Variants in LRRIQ1 observed in about 807,000 individuals in gnomAD.
LRRIQ1 encodes the protein leucine-rich repeat- and IQ domain-containing protein 1.
LRRIQ1 carries 210 observed loss-of-function variants against 211.9 expected under a neutral mutation model. That is an observed-to-expected ratio of 0.99 (90% CI 0.89 to 1.11). The LOEUF (loss-of-function observed/expected upper bound fraction) is 1.11, where lower values mean the gene tolerates loss of function less well. Among genes scored for constraint, LRRIQ1 ranks in the 50% most tolerant of loss-of-function variants. LRRIQ1 has a pLI of 0.00. For missense variants in LRRIQ1, 2,136 were observed against 1,939.5 expected (o/e 1.10, Z -1.90); for synonymous variants, 699 against 650.1 (o/e 1.08, Z -1.14).
At position 85,072,910 on chromosome 12, in the gene LRRIQ1, A is replaced by G; in HGVS notation, c.2699A>G (p.Tyr900Cys). 6.2e-7 allele frequency: 1 copy of G among 1,606,944 alleles called. No individual in the cohort carries two copies. Among genetic ancestry groups the G allele is most frequent in the Non-Finnish European group, 8.5e-7 (1 of 1,176,586 alleles). Residue 900 changes from tyrosine (Y) to cysteine (C), a missense_variant, in exon 11 of 27, where the codon TAT becomes TGT. Tyr to Cys is a radical substitution (Grantham distance 194). Coordinates refer to ENST00000393217, the MANE Select transcript of LRRIQ1 (RefSeq NM_001079910.2). ...TTAATTCTGTCATCCTACTCAGGAT[A>G]TTCCTTCTTTCTGGAAGAAAAACTT... ...LSYNKITRIG[Y>C]SFFLEEKLVD... is the part of the protein sequence containing the mutation.
intron 18 of LRRIQ1, among the ~76,000 whole-genome samples, chr12:85,134,415 A>C (rs1490919084): frequency 6.6e-6 from 1 of 152,040 alleles, no homozygotes; most frequent in Non-Finnish European, 1.5e-5. Context: ...TTTTATTTTC[A>C]GTCTCAGTCC....
rs770918785 is a variant in LRRIQ1, at chr12:85,056,586, T to G, written c.1793T>G (p.Leu598Ter). 1.9e-6 allele frequency: 3 copies of G among 1,595,800 alleles called. No homozygotes were observed. Among genetic ancestry groups the G allele is most frequent in the Non-Finnish European group, 2.6e-6 (3 of 1,171,688 alleles). Reference protein sequence around the residue: ...KEEIQEQNGLLYKDKDTLVIS... With the variant: ...KEEIQEQNGL ...GAGATACAAGAACAGAATGGATTATTATATAAAGATAAGGATACTTTAGTT... is the reference window on the plus strand; with the variant it reads ...GAGATACAAGAACAGAATGGATTATGATATAAAGATAAGGATACTTTAGTT... Residue 598 changes from leucine to a stop codon, truncating the protein, a stop_gained, in exon 8 of 27, where the codon TTA becomes TGA. Transcript: ENST00000393217. LOFTEE classifies it high-confidence loss of function.
chr12:85,056,445 A>G lies in LRRIQ1; in HGVS notation c.1652A>G (p.Gln551Arg), dbSNP rs778254144. 6.2e-6 allele frequency: 10 copies of G among 1,600,892 alleles called. No individual in the cohort carries two copies. In the African/African-American group the frequency reaches 1.4e-4, roughly 22 times the overall value. The change falls in exon 8 of 27, where the codon CAA becomes CGA. Residue 551 changes from glutamine (Q) to arginine (R), a missense_variant. Coordinates refer to ENST00000393217, the MANE Select transcript of LRRIQ1 (RefSeq NM_001079910.2). The part of the protein sequence containing the change: ...MKHVINENTG[Q>R]KTQIILGHNQ... ...CATGTCATAAATGAGAATACAGGAC[A>G]AAAAACCCAGATAATATTAGGACAT...
chr12:85,036,994 A>G (rs2135840414), intron 1 of LRRIQ1, among the ~76,000 whole-genome samples: 1 of 152,226 alleles, frequency 6.6e-6, no homozygotes, highest in East Asian at 1.9e-4. Context: ...CTTGAAATGC[A>G]GCTAATCCTA....
intron 1 of LRRIQ1, among the ~76,000 whole-genome samples, chr12:85,262,263 T>C (rs893685726): frequency 7.9e-4 from 120 of 152,212 alleles, no homozygotes; most frequent in African/African-American, 2.8e-3. Context: ...GCAGTCTCAC[T>C]GATCTTACTA....
intron 24 of LRRIQ1, among the ~76,000 whole-genome samples, chr12:85,162,078 T>C (rs1287904165): frequency 6.6e-6 from 1 of 151,918 alleles, no homozygotes; most frequent in East Asian, 1.9e-4. Context: ...CATAGAAAGA[T>C]AAATAAAACA....
chr12:85,080,405 T>C (rs2136159931), intron 11 of LRRIQ1, among the ~76,000 whole-genome samples: 1 of 151,686 alleles, frequency 6.6e-6, no homozygotes, highest in East Asian at 1.9e-4. Flanking sequence ...TAACAATATA[T>C]ATTTAATGTA....
In LRRIQ1 at chr12:85,098,958, T is replaced by C. The variant is rs535765238; in HGVS notation, c.3173T>C (p.Leu1058Pro). ...STVEAFSSYWLPLLQNITISQ... is the reference protein window; with the variant it reads ...STVEAFSSYWPPLLQNITISQ... ...GTGGAAGCATTTTCTTCATACTGGC[T>C]GCCTTTACTACAAAATATTACTATC... The change falls in exon 13 of 27, where the codon CTG becomes CCG. Residue 1058 changes from leucine to proline, a missense_variant. Leu to Pro is a moderately conservative substitution (Grantham distance 98). Coordinates refer to ENST00000393217, the MANE Select transcript of LRRIQ1 (RefSeq NM_001079910.2). 1.9e-6 allele frequency: 3 copies of C among 1,573,448 alleles called. No homozygotes were observed. Among genetic ancestry groups the C allele is most frequent in the Non-Finnish European group, 2.6e-6 (3 of 1,156,544 alleles).
chr12:85,218,994 A>G (rs1389297286), intron 24 of LRRIQ1, among the ~76,000 whole-genome samples: 2 of 152,026 alleles, frequency 1.3e-5, no homozygotes, highest in Admixed American at 6.6e-5. Context: ...TTAATCACTG[A>G]GGTTTTTTTG....
At chr12:85,232,252 T>A (rs1593004117) in intron 25 of LRRIQ1, among the ~76,000 whole-genome samples, 1 of 152,086 alleles carries the variant, frequency 6.6e-6, no homozygotes, top group South Asian at 2.1e-4. Context: ...ATATCATTGT[T>A]CTAGTTTTAA....
intron 5 of LRRIQ1, among the ~76,000 whole-genome samples, chr12:85,046,371 T>C (rs1206674176): frequency 2.0e-5 from 3 of 152,220 alleles, no homozygotes; most frequent in Non-Finnish European, 4.4e-5. Flanking sequence ...TGCAATAGAC[T>C]TGACTATCCC....
In LRRIQ1 at chr12:85,244,997, G is replaced by T; in HGVS notation, c.*56G>T. The stretch of plus-strand genomic sequence containing the variant: ...CCAACAAGCATTCTTTTTCAGATAG[G>T]GGGTAGGATGCCAGCAACCTGAACT... On this transcript the variant is annotated 3_prime_UTR_variant, in exon 27 of 27. Transcript: ENST00000393217. 1 of 1,580,924 alleles carries T rather than the reference G, an allele frequency of 6.3e-7. No individual in the cohort carries two copies. The highest frequency in any genetic ancestry group is 8.6e-7 in the Non-Finnish European group (1 of 1,161,962).
At chr12:85,250,382 T>A (rs1895871380) in intron 1 of LRRIQ1, among the ~76,000 whole-genome samples, 1 of 151,710 alleles carries the variant, frequency 6.6e-6, no homozygotes, top group South Asian at 2.1e-4. Flanking sequence ...AATACCACAA[T>A]CAGAAGATGC....
At chr12:85,250,336 C>T (rs1895869771) in intron 1 of LRRIQ1, among the ~76,000 whole-genome samples, 1 of 151,716 alleles carries the variant, frequency 6.6e-6, no homozygotes, top group South Asian at 2.1e-4. Context: ...ATAATTGCTC[C>T]ATATGTTAAG....
intron 24 of LRRIQ1, among the ~76,000 whole-genome samples, chr12:85,186,797 C>T (rs1892248885): frequency 6.6e-6 from 1 of 151,504 alleles, no homozygotes; most frequent in Non-Finnish European, 1.5e-5. Context: ...CTTTGCCTGC[C>T]TCAGAGAAGT....
rs1390323059 is a variant in LRRIQ1 at position 85,121,625 on chromosome 12, G to A, written c.3378-72G>A. The A allele has an allele frequency of 4.5e-6, 5 of 1,116,368 alleles. No homozygotes were observed. In the African/African-American group the frequency reaches 4.8e-5, roughly 11 times the overall value. 69.2% of individuals were successfully genotyped at this position (1,116,368 alleles called of 1,614,324 possible). Reference sequence around the variant, plus strand: ...TATGCTTGTATTATTTAAATGATTAGTATATGGTTATTTAGATACATACTC... The same window carrying A: ...TATGCTTGTATTATTTAAATGATTAATATATGGTTATTTAGATACATACTC... On this transcript the variant is annotated intron_variant, in intron 15 of 26. Coordinates refer to ENST00000393217, the MANE Select transcript of LRRIQ1 (RefSeq NM_001079910.2).
intron 9 of LRRIQ1, among the ~76,000 whole-genome samples, chr12:85,065,985 A>G (rs1212625863): frequency 6.6e-6 from 1 of 151,916 alleles, no homozygotes. Context: ...GACATGCTGC[A>G]GTATGCAAGT....
chr12:85,177,333 T>A (rs1891757453), intron 24 of LRRIQ1, among the ~76,000 whole-genome samples: 1 of 151,476 alleles, frequency 6.6e-6, no homozygotes, highest in Non-Finnish European at 1.5e-5. Context: ...GGGTTGGGGG[T>A]GAGGGGCAAC....
intron 17 of LRRIQ1, among the ~76,000 whole-genome samples, chr12:85,126,992 A>G (rs527961664): frequency 5.9e-5 from 9 of 152,308 alleles, no homozygotes; most frequent in Non-Finnish European, 8.8e-5. Context: ...ATAGGTCAAG[A>G]ATTACTAATC....
Sources: allele counts gnomAD v4.1 joint callset (sites outside exome capture counted in the v4.1 genomes callset), GRCh38; gene constraint gnomAD v4.1.1; transcripts MANE v1.5; gene names NCBI Gene and HGNC (gene_info 2026-07-23, HGNC 2026-07-21).